The following WARS2 variants were observed in gnomAD, a reference collection of about 807,000 sequenced individuals.
The protein encoded by WARS2 is tryptophanyl tRNA synthetase 2, mitochondrial, also known as tryptophan--tRNA ligase, mitochondrial.
A neutral mutation model predicts 36.5 loss-of-function variants in WARS2; 28 were observed. The ratio of observed to expected loss-of-function variants is 0.77; its 90% confidence interval spans 0.57 to 1.05. The LOEUF (loss-of-function observed/expected upper bound fraction) is 1.05, where lower values mean the gene tolerates loss of function less well. Among genes scored for constraint, WARS2 ranks in the 50% least tolerant of loss-of-function variants. WARS2 has a pLI of 0.00. For synonymous variants in WARS2, 174 were observed against 178.4 expected (o/e 0.98, Z 0.20); for missense variants, 435 against 456.8 (o/e 0.95, Z 0.44).
chr1:119,055,448 A>G lies in WARS2; in HGVS notation c.349-9786T>C, dbSNP rs1254290469. Among the ~76,000 whole-genome samples, 5 of 152,232 alleles carry G rather than the reference A, an allele frequency of 3.3e-5. No individual in the cohort carries two copies. The East Asian group carries it at 9.7e-4, about 29-fold the overall frequency. On this transcript the variant is annotated intron_variant, in intron 2 of 5. Coordinates refer to ENST00000235521, the MANE Select transcript of WARS2 (RefSeq NM_015836.4). Reference sequence around the variant, plus strand: ...GCCAACATGGCAAAACCCCATCTCTACTAAAAATACAAAAAAGTTAGCCAG... The same window carrying G: ...GCCAACATGGCAAAACCCCATCTCTGCTAAAAATACAAAAAAGTTAGCCAG...
At position 119,107,671 on chromosome 1, in the gene WARS2, AAGAGAG is replaced by A. The variant is rs61528583; in HGVS notation, c.91-31070_91-31065del. 2.8e-4 allele frequency among the ~76,000 whole-genome samples: 42 copies of A among 149,726 alleles called. No homozygotes were observed. The East Asian group carries it at 3.9e-3, about 14-fold the overall frequency. Reference sequence around the variant, plus strand: ...TTATAGTTGGAGAAATAGAAAAAGAAAGAGAGAGAGAGAGAGAGAGAGAGAGATTAG... The same window carrying A: ...TTATAGTTGGAGAAATAGAAAAAGAAAGAGAGAGAGAGAGAGAGAGATTAG... On this transcript the variant is annotated intron_variant, in intron 1 of 5. Transcript: ENST00000235521.
chr1:119,128,289 TTG>T (rs1224991331), intron 1 of WARS2, among the ~76,000 whole-genome samples: 3 of 152,106 alleles, frequency 2.0e-5, no homozygotes, highest in African/African-American at 7.2e-5. Context: ...TTGGCCAGGC[TTG>T]TCTCAAACTC....
chr1:119,044,350 G>A (rs1323813211), intron 3 of WARS2, among the ~76,000 whole-genome samples: 1 of 152,184 alleles, frequency 6.6e-6, no homozygotes, highest in Non-Finnish European at 1.5e-5. Flanking sequence ...TATTAGATTA[G>A]TATTCAGTTC....
intron 2 of WARS2, among the ~76,000 whole-genome samples, chr1:119,069,966 C>A (rs1452130437): frequency 6.6e-6 from 1 of 152,152 alleles, no homozygotes; most frequent in Non-Finnish European, 1.5e-5. Context: ...AAGGTTCCCG[C>A]CTCATGAGTA....
chr1:119,119,747 T>A (rs1655215057), intron 1 of WARS2, among the ~76,000 whole-genome samples: 4 of 151,970 alleles, frequency 2.6e-5, no homozygotes. Flanking sequence ...GGAAATTAAC[T>A]CCAAAAGGAA....
At chr1:119,111,424 A>G (rs982800619) in intron 1 of WARS2, among the ~76,000 whole-genome samples, 4 of 152,150 alleles carry the variant, frequency 2.6e-5, no homozygotes, top group African/African-American at 9.7e-5. Context: ...TGGCTGGAAG[A>G]GGCTGAAGTT....
intron 1 of WARS2, among the ~76,000 whole-genome samples, chr1:119,137,253 G>C (rs923314868): frequency 7.2e-5 from 11 of 152,030 alleles, no homozygotes; most frequent in Non-Finnish European, 2.9e-5. Context: ...TACTAATTTT[G>C]CAACTCTGTA....
At chr1:119,055,783 GAGAA>G (rs1228256980) in intron 2 of WARS2, among the ~76,000 whole-genome samples, 1 of 152,028 alleles carries the variant, frequency 6.6e-6, no homozygotes, top group African/African-American at 2.4e-5. Flanking sequence ...TATCTGAAAG[GAGAA>G]AGAAAGAAAA....
rs199858756 is a variant in WARS2 at position 119,032,877 on chromosome 1, G to C, written c.*34C>G. ...GTTATCAGAATGCATGGAGTGCAAG[G>C]CACAAAAGCCTTGCTGTGATTCGTT... On this transcript the variant is annotated 3_prime_UTR_variant, in exon 6 of 6. Transcript: ENST00000235521. 94 of 1,578,258 alleles carry C rather than the reference G, an allele frequency of 6.0e-5. 1 individual carries two copies. The African/African-American group carries it at 1.2e-3, about 20-fold the overall frequency.
At chr1:119,087,190 A>G (rs985600510) in intron 1 of WARS2, among the ~76,000 whole-genome samples, 16 of 152,084 alleles carry the variant, frequency 1.1e-4, no homozygotes, top group African/African-American at 3.9e-4. Context: ...CCATAGATAT[A>G]TTTTCCCGCC....
chr1:119,111,174 T>C (rs2101499532), intron 1 of WARS2, among the ~76,000 whole-genome samples: 1 of 152,348 alleles, frequency 6.6e-6, no homozygotes, highest in Admixed American at 6.5e-5. Flanking sequence ...TTGTGTTTTT[T>C]ACTGGTTAGT....
chr1:119,094,477 A>T (rs190933342), intron 1 of WARS2, among the ~76,000 whole-genome samples: 1 of 152,058 alleles, frequency 6.6e-6, no homozygotes, highest in East Asian at 1.9e-4. Context: ...TAAGCAGTAA[A>T]CTATTTCTTT....
At chr1:119,099,603 T>C (rs989953648) in intron 1 of WARS2, among the ~76,000 whole-genome samples, 1 of 152,204 alleles carries the variant, frequency 6.6e-6, no homozygotes, top group African/African-American at 2.4e-5. Flanking sequence ...ACTCCTAATG[T>C]CATCTAGTTA....
intron 1 of WARS2, among the ~76,000 whole-genome samples, chr1:119,125,003 A>C (rs1655556416): frequency 6.6e-6 from 1 of 152,170 alleles, no homozygotes; most frequent in East Asian, 1.9e-4. Context: ...ACAGATTCTC[A>C]TCTGTACTGT....
intron 1 of WARS2, among the ~76,000 whole-genome samples, chr1:119,119,002 A>C (rs974180854): frequency 3.9e-5 from 6 of 152,188 alleles, no homozygotes; most frequent in Admixed American, 1.3e-4. Context: ...CCTATAAAAA[A>C]GTAACACAAT....
At chr1:119,129,681 C>T (rs1655947092) in intron 1 of WARS2, among the ~76,000 whole-genome samples, 1 of 151,780 alleles carries the variant, frequency 6.6e-6, no homozygotes, top group Non-Finnish European at 1.5e-5. Context: ...CACCACTGCA[C>T]TCCAGCCTGG....
At chr1:119,076,792 A>T (rs891891214) in intron 1 of WARS2, among the ~76,000 whole-genome samples, 185 bp from the exon 2 acceptor site, 3 of 152,172 alleles carry the variant, frequency 2.0e-5, no homozygotes, top group African/African-American at 7.2e-5. Flanking sequence ...GCACAAAAAA[A>T]TGATATTAAA....
chr1:119,122,566 C>G (rs1163899753), intron 1 of WARS2, among the ~76,000 whole-genome samples: 2 of 152,094 alleles, frequency 1.3e-5, no homozygotes, highest in Non-Finnish European at 2.9e-5. Flanking sequence ...GAAAATAAGT[C>G]ATTATATGAA....
intron 2 of WARS2, 81 bp from the exon 3 acceptor site, chr1:119,045,743 C>T (rs1648746806): frequency 8.7e-7 from 1 of 1,151,628 alleles, no homozygotes; most frequent in Admixed American, 2.0e-5. Flanking sequence ...AAGTATTACC[C>T]TAAATGTCTG....
Sources: allele counts gnomAD v4.1 joint callset (sites outside exome capture counted in the v4.1 genomes callset), GRCh38; gene constraint gnomAD v4.1.1; transcripts MANE v1.5; gene names NCBI Gene and HGNC (gene_info 2026-07-23, HGNC 2026-07-21).